C12orf42: variants seen among roughly 807,000 people sequenced by gnomAD.
C12orf42 encodes the protein uncharacterized protein C12orf42.
C12orf42 carries 25 observed loss-of-function variants against 21.6 expected under a neutral mutation model. The observed-to-expected ratio is 1.16, with a 90% confidence interval of 0.84 to 1.62. The LOEUF (loss-of-function observed/expected upper bound fraction) is 1.62. Among genes scored for constraint, C12orf42 ranks in the 40% most tolerant of loss-of-function variants. C12orf42 has a pLI of 0.00. For missense variants in C12orf42, 483 were observed against 459.3 expected (o/e 1.05, Z -0.47); for synonymous variants, 174 against 175.0 (o/e 0.99, Z 0.05).
At position 103,424,598 on chromosome 12, in the gene C12orf42, G is replaced by A. The variant is rs541578789; in HGVS notation, c.79-22923C>T. On this transcript the variant is annotated intron_variant, in intron 2 of 5. Coordinates refer to ENST00000548883, the MANE Select transcript of C12orf42 (RefSeq NM_198521.5). ...CAGGGAACTCCCTCCCCTAGCCAAA[G>A]GAAGTTGTGAGGGACTGTGCCATGA... Among the ~76,000 whole-genome samples, 6 of 152,290 alleles carry A rather than the reference G, an allele frequency of 3.9e-5. No individual in the cohort carries two copies. The East Asian group carries it at 1.2e-3, about 29-fold the overall frequency.
At chr12:103,238,667 C>G (rs778615419) in intron 10 of C12orf42, among the ~76,000 whole-genome samples, 2 of 152,170 alleles carry the variant, frequency 1.3e-5, no homozygotes, top group Non-Finnish European at 2.9e-5. Context: ...CTCTGTCCAT[C>G]CTTGGGAGAG....
the C12orf42 span, among the ~76,000 whole-genome samples, chr12:103,154,638 G>T: frequency 6.6e-6 from 1 of 152,032 alleles, no homozygotes; most frequent in Non-Finnish European, 1.5e-5. Context: ...AACTGTTTTG[G>T]ATATAAAAAG....
In C12orf42 at chr12:103,391,479, T is replaced by C. The variant is rs190879513; in HGVS notation, c.147+10128A>G. Among the ~76,000 whole-genome samples the C allele has an allele frequency of 2.3e-3, 349 of 152,300 alleles. 3 individuals carry two copies. Among genetic ancestry groups the C allele is most frequent in the African/African-American group, 8.0e-3 (331 of 41,574 alleles). On this transcript the variant is annotated intron_variant, in intron 3 of 5. Coordinates refer to ENST00000548883, the MANE Select transcript of C12orf42 (RefSeq NM_198521.5). ...AACCATTATGATGGGTATAAAGTGA[T>C]ACCTCATCGTGGTTTTGATTTACAT...
chr12:103,373,294 A>C (rs1593674680), intron 3 of C12orf42, among the ~76,000 whole-genome samples: 2 of 152,230 alleles, frequency 1.3e-5, no homozygotes, highest in African/African-American at 4.8e-5. Context: ...TTGGGAAATA[A>C]TGCCAAGTGG....
the C12orf42 span, among the ~76,000 whole-genome samples, chr12:103,078,206 A>T: frequency 1.3e-5 from 2 of 152,190 alleles, no homozygotes; most frequent in African/African-American, 4.8e-5. Context: ...GCATATGTTG[A>T]CTAACTTAAT....
chr12:103,462,683 T>C (rs1290732468), intron 2 of C12orf42, among the ~76,000 whole-genome samples: 1 of 152,092 alleles, frequency 6.6e-6, no homozygotes, highest in African/African-American at 2.4e-5. Context: ...ACCTATAAAA[T>C]TTAAGGAGTA....
At chr12:103,246,531 T>A (rs1180268781) in intron 10 of C12orf42, among the ~76,000 whole-genome samples, 1 of 151,782 alleles carries the variant, frequency 6.6e-6, no homozygotes, top group Non-Finnish European at 1.5e-5. Context: ...TAAACTGATT[T>A]CAAAAAAAAA....
the C12orf42 span, among the ~76,000 whole-genome samples, chr12:103,204,207 T>C: frequency 6.6e-6 from 1 of 152,194 alleles, no homozygotes; most frequent in Non-Finnish European, 1.5e-5. Flanking sequence ...TTTAAGGAAC[T>C]GCTGGGAGTC....
intron 2 of C12orf42, among the ~76,000 whole-genome samples, chr12:103,416,014 C>G (rs1189797394): frequency 7.0e-6 from 1 of 142,828 alleles, no homozygotes; most frequent in Non-Finnish European, 1.5e-5. Flanking sequence ...TACTGAGGCA[C>G]CATTGTCTTT....
intron 2 of C12orf42, among the ~76,000 whole-genome samples, chr12:103,466,766 T>C (rs934465934): frequency 1.3e-5 from 2 of 152,232 alleles, no homozygotes; most frequent in Non-Finnish European, 2.9e-5. Context: ...GGCTTAGCCA[T>C]GTTACTTGCT....
the C12orf42 span, among the ~76,000 whole-genome samples, chr12:103,524,352 C>G: frequency 6.6e-6 from 1 of 152,158 alleles, no homozygotes; most frequent in African/African-American, 2.4e-5. Context: ...AGATTCCCAT[C>G]GTTTCCAGCC....
the C12orf42 span, among the ~76,000 whole-genome samples, chr12:103,553,032 C>A: frequency 7.3e-3 from 1,111 of 152,264 alleles, 22 homozygotes; most frequent in African/African-American, 0.025. Context: ...TCCCTTAACA[C>A]CTGGGGATTA....
At chr12:103,502,579 C>T in the C12orf42 span, among the ~76,000 whole-genome samples, 1 of 152,168 alleles carries the variant, frequency 6.6e-6, no homozygotes, top group East Asian at 1.9e-4. Context: ...TGGTAACATT[C>T]TGGTCTCAGC....
At chr12:103,518,148 A>G in the C12orf42 span, among the ~76,000 whole-genome samples, 7 of 152,236 alleles carry the variant, frequency 4.6e-5, no homozygotes, top group South Asian at 2.1e-4. Flanking sequence ...CAAGCCATCA[A>G]TTGGCTCACA....
At chr12:103,358,082 G>A (rs1284185237) in intron 4 of C12orf42, among the ~76,000 whole-genome samples, 1 of 151,928 alleles carries the variant, frequency 6.6e-6, no homozygotes, top group African/African-American at 2.4e-5. Context: ...ACGACTCCAT[G>A]TTTCTCATCA....
At chr12:103,517,061 G>A in the C12orf42 span, among the ~76,000 whole-genome samples, 2 of 152,280 alleles carry the variant, frequency 1.3e-5, no homozygotes, top group Admixed American at 1.3e-4. Context: ...TCTGCACTGT[G>A]GTAACATGTC....
At chr12:103,137,574 A>T in the C12orf42 span, among the ~76,000 whole-genome samples, 3 of 152,252 alleles carry the variant, frequency 2.0e-5, no homozygotes, top group Admixed American at 1.3e-4. Context: ...TGGCATTCCC[A>T]TGTTTATCAC....
At chr12:103,091,956 A>C in the C12orf42 span, among the ~76,000 whole-genome samples, 1 of 152,188 alleles carries the variant, frequency 6.6e-6, no homozygotes. Flanking sequence ...TGGCAGGTTG[A>C]CTGTCATCAC....
chr12:103,223,141 T>A, the C12orf42 span, among the ~76,000 whole-genome samples: 1 of 152,038 alleles, frequency 6.6e-6, no homozygotes, highest in African/African-American at 2.4e-5. Flanking sequence ...CTTCTTATAT[T>A]AATAAGAAAA....
Sources: allele counts gnomAD v4.1 joint callset (sites outside exome capture counted in the v4.1 genomes callset), GRCh38; gene constraint gnomAD v4.1.1; transcripts MANE v1.5; gene names NCBI Gene and HGNC (gene_info 2026-07-23, HGNC 2026-07-21).